Variants in FRMD4A observed in about 807,000 individuals in gnomAD.
FRMD4A encodes FERM domain-containing protein 4A.
FRMD4A carries 29 observed loss-of-function variants against 129.1 expected under a neutral mutation model. The observed-to-expected ratio is 0.22, with a 90% confidence interval of 0.17 to 0.31. The LOEUF is 0.31. FRMD4A is among the 10% of genes least tolerant of loss of function. The probability of loss-of-function intolerance (pLI) is 1.00; values close to 1 mark genes in which losing one functional copy is unlikely to be tolerated. For synonymous variants in FRMD4A, 634 were observed against 571.6 expected (o/e 1.11, Z -1.56); for missense variants, 1,272 against 1,375.8 (o/e 0.92, Z 1.19).
intron 17 of FRMD4A, among the ~76,000 whole-genome samples, chr10:13,669,201 A>G (rs952215988): frequency 1.3e-5 from 2 of 151,804 alleles, no homozygotes; most frequent in African/African-American, 4.8e-5. Context: ...CTGGGATTAC[A>G]GGCATACACC....
intron 2 of FRMD4A, among the ~76,000 whole-genome samples, chr10:14,005,092 G>C (rs1453301224): frequency 6.6e-6 from 1 of 150,874 alleles, no homozygotes; most frequent in Non-Finnish European, 1.5e-5. Context: ...GCTCCATCTT[G>C]GCTCACAGCA....
At chr10:14,041,612 T>C (rs1833781940) in intron 2 of FRMD4A, among the ~76,000 whole-genome samples, 1 of 152,208 alleles carries the variant, frequency 6.6e-6, no homozygotes, top group Admixed American at 6.5e-5. Flanking sequence ...GGGATTTTCA[T>C]AGCAGGACTA....
At chr10:14,256,348 C>A (rs188285222) in intron 2 of FRMD4A, among the ~76,000 whole-genome samples, 86 of 152,264 alleles carry the variant, frequency 5.6e-4, no homozygotes, top group African/African-American at 1.9e-3. Context: ...CAAAAAGTGA[C>A]AGTTCTCCCC....
intron 2 of FRMD4A, among the ~76,000 whole-genome samples, chr10:13,956,682 G>A (rs1392545410): frequency 1.3e-5 from 2 of 152,220 alleles, no homozygotes; most frequent in East Asian, 1.9e-4. Context: ...AATTGTGGAT[G>A]TATGGCTGTG....
At chr10:14,299,220 T>C (rs1225439184) in intron 2 of FRMD4A, among the ~76,000 whole-genome samples, 3 of 152,140 alleles carry the variant, frequency 2.0e-5, no homozygotes, top group Non-Finnish European at 4.4e-5. Context: ...TGTCAAAGTG[T>C]CCATAAAAAA....
intron 2 of FRMD4A, among the ~76,000 whole-genome samples, chr10:14,310,079 T>C (rs759902982): frequency 7.2e-5 from 11 of 152,146 alleles, no homozygotes; most frequent in Admixed American, 1.3e-4. Context: ...CCCCAATGCA[T>C]CTTCGAGGAT....
intron 12 of FRMD4A, among the ~76,000 whole-genome samples, chr10:13,713,857 A>G (rs372466230): frequency 1.4e-3 from 3 of 2,188 alleles, no homozygotes; most frequent in African/African-American, 4.3e-3. Context: ...ACACATATAT[A>G]TAATATATAT....
chr10:13,796,501 A>C lies in FRMD4A; in HGVS notation c.294T>G (p.Cys98Trp). The change falls in exon 5 of 25, where the codon TGT becomes TGG. Residue 98 changes from cysteine (C) to tryptophan (W), a missense_variant. By Grantham distance (215) the Cys-to-Trp change is radical. Coordinates refer to ENST00000357447, the MANE Select transcript of FRMD4A (RefSeq NM_018027.5). ...TAGACACCAGGTGTACATACCTGACACAAAAGTATAAAACCACGGGTCCTG... is the reference window on the plus strand; with the variant it reads ...TAGACACCAGGTGTACATACCTGACCCAAAAGTATAAAACCACGGGTCCTG... ...KKSGPVVLYF[C>W]VRFYIESISY... is the part of the protein sequence containing the mutation. 2.6e-6 allele frequency: 4 copies of C among 1,514,352 alleles called. No homozygotes were observed. Among genetic ancestry groups the C allele is most frequent in the Non-Finnish European group, 3.7e-6 (4 of 1,089,048 alleles). 93.8% of individuals were successfully genotyped at this position (1,514,352 alleles called of 1,614,324 possible). A position where few individuals can be genotyped will look rare whatever the true frequency, so the allele number is the denominator to read the frequency against.
intron 13 of FRMD4A, among the ~76,000 whole-genome samples, chr10:13,706,183 T>C (rs969945424): frequency 3.9e-5 from 6 of 152,216 alleles, no homozygotes; most frequent in African/African-American, 1.4e-4. Flanking sequence ...GTCTGATCTT[T>C]TTTCTGTCTC....
chr10:13,855,360 T>C (rs1032863383), intron 3 of FRMD4A, among the ~76,000 whole-genome samples: 2 of 152,302 alleles, frequency 1.3e-5, no homozygotes, highest in East Asian at 3.9e-4. Context: ...ATCTGAGGTA[T>C]AGCCTTTGAT....
chr10:13,868,371 G>A (rs536149222), intron 2 of FRMD4A, among the ~76,000 whole-genome samples: 3 of 152,124 alleles, frequency 2.0e-5, no homozygotes, highest in Admixed American at 1.3e-4. Flanking sequence ...GTAAGATGAC[G>A]ATGGAAGGAA....
intron 5 of FRMD4A, among the ~76,000 whole-genome samples, chr10:13,787,455 AT>A (rs202174830): frequency 2.6e-5 from 4 of 151,116 alleles, no homozygotes; most frequent in African/African-American, 9.8e-5. Context: ...CAAAGTCAAA[AT>A]TTTTTTTTCT....
chr10:13,925,566 C>CTTTTTTTTTTTTTTTTTTTTTTTTTTTT lies in FRMD4A; in HGVS notation c.46-66682_46-66655dup, dbSNP rs66980805. Among the ~76,000 whole-genome samples, 5 of 61,946 alleles carry CTTTTTTTTTTTTTTTTTTTTTTTTTTTT rather than the reference C, an allele frequency of 8.1e-5. 2 individuals are homozygous for CTTTTTTTTTTTTTTTTTTTTTTTTTTTT. The highest frequency in any genetic ancestry group is 1.3e-4 in the Non-Finnish European group (5 of 37,614). 40.6% of individuals were successfully genotyped at this position (61,946 alleles called of 152,430 possible). ...TGAAAGTTTCTATTGTAGTGAAACG[C>CTTTTTTTTTTTTTTTTTTTTTTTTTTTT]TTTTTTTTTTTTTTTTTTTTTTTTT... On this transcript the variant is annotated intron_variant, in intron 2 of 24. Coordinates refer to ENST00000357447, the MANE Select transcript of FRMD4A (RefSeq NM_018027.5).
chr10:14,087,788 G>A (rs183101465), intron 2 of FRMD4A, among the ~76,000 whole-genome samples: 61 of 150,004 alleles, frequency 4.1e-4, no homozygotes, highest in Middle Eastern at 3.4e-3. Context: ...ACAGCCTGTC[G>A]GCAGCACGGA....
intron 2 of FRMD4A, among the ~76,000 whole-genome samples, chr10:13,976,427 C>A (rs949474598): frequency 2.0e-5 from 3 of 152,082 alleles, no homozygotes; most frequent in African/African-American, 7.2e-5. Context: ...ACTCCCAGCC[C>A]CATCCCCTGC....
chr10:13,663,408 T>G (rs2082785952), intron 19 of FRMD4A, 45 bp downstream of exon 19: 3 of 1,031,228 alleles, frequency 2.9e-6, no homozygotes, highest in Non-Finnish European at 4.6e-6. Flanking sequence ...TCATCTCTGT[T>G]TACTCTGAGC....
intron 2 of FRMD4A, among the ~76,000 whole-genome samples, chr10:13,975,553 T>A (rs2095539298): frequency 6.6e-6 from 1 of 151,936 alleles, no homozygotes; most frequent in Admixed American, 6.6e-5. Flanking sequence ...TCATTGTGTA[T>A]CTATGTGTGT....
At chr10:13,804,646 G>A (rs1297007377) in intron 4 of FRMD4A, among the ~76,000 whole-genome samples, 1 of 151,326 alleles carries the variant, frequency 6.6e-6, no homozygotes, top group Non-Finnish European at 1.5e-5. Context: ...CCGGGTTCAA[G>A]CAATTCTCCT....
At chr10:13,911,331 C>A (rs1057301164) in intron 2 of FRMD4A, among the ~76,000 whole-genome samples, 1 of 152,054 alleles carries the variant, frequency 6.6e-6, no homozygotes, top group Non-Finnish European at 1.5e-5. Flanking sequence ...TCTTTTGTAA[C>A]CTCAAGTTCA....
Sources: allele counts gnomAD v4.1 joint callset (sites outside exome capture counted in the v4.1 genomes callset), GRCh38; gene constraint gnomAD v4.1.1; transcripts MANE v1.5; gene names NCBI Gene and HGNC (gene_info 2026-07-23, HGNC 2026-07-21).